The following XPNPEP3 variants were observed in gnomAD, a reference collection of about 807,000 sequenced individuals.
XPNPEP3 encodes xaa-Pro aminopeptidase 3.
Under a neutral mutation model 60.0 loss-of-function variants are expected in XPNPEP3, and 41 were observed. The ratio of observed to expected loss-of-function variants is 0.68; its 90% CI spans 0.53 to 0.89. The LOEUF (loss-of-function observed/expected upper bound fraction) is 0.89. Ranked by LOEUF, XPNPEP3 falls within the 40% of genes least tolerant of loss-of-function variation. The pLI, the probability that XPNPEP3 is intolerant of heterozygous loss-of-function variation, is 0.00. For missense variants in XPNPEP3, 598 were observed against 638.9 expected, an observed-to-expected ratio of 0.94 and a Z score of 0.69; for synonymous variants, 212 against 223.2, an observed-to-expected ratio of 0.95 and a Z score of 0.45.
intron 1 of XPNPEP3, chr22:40,862,429 A>G (rs970057074): frequency 6.1e-6 from 6 of 987,886 alleles, no homozygotes; most frequent in Admixed American, 6.1e-5. Context: ...CAGCTCTTCT[A>G]TGCTTTGGTT....
intron 1 of XPNPEP3, chr22:40,859,538 T>A (rs2057928521): frequency 6.6e-6 from 1 of 152,174 alleles, no homozygotes; most frequent in Admixed American, 6.5e-5. Context: ...TCACATCTTA[T>A]ATTAGAAGCA....
chr22:40,907,556 G>T (rs371068994), intron 4 of XPNPEP3, 31 bp from the exon 5 acceptor site: 1 of 1,596,690 alleles, frequency 6.3e-7, no homozygotes, highest in Non-Finnish European at 8.6e-7. Context: ...GAATGAGATC[G>T]TGTTCTTTTC....
intron 2 of XPNPEP3, among the ~76,000 whole-genome samples, chr22:40,872,473 G>A (rs2058010086): frequency 1.3e-5 from 2 of 150,658 alleles, no homozygotes; most frequent in Non-Finnish European, 3.0e-5. Context: ...TTTTTGAGAC[G>A]GAATTTCGCT....
At chr22:40,905,238 C>T (rs1206703990) in intron 4 of XPNPEP3, among the ~76,000 whole-genome samples, 2 of 151,832 alleles carry the variant, frequency 1.3e-5, no homozygotes, top group Non-Finnish European at 2.9e-5. Context: ...TACCACCACG[C>T]CCAGCTAATT....
chr22:40,895,486 C>G (rs1025327640), intron 4 of XPNPEP3, among the ~76,000 whole-genome samples: 4 of 151,842 alleles, frequency 2.6e-5, no homozygotes, highest in African/African-American at 9.7e-5. Context: ...AGACGCCCAC[C>G]AGCACGCCCG....
At chr22:40,912,473 C>T (rs2058180501) in intron 6 of XPNPEP3, among the ~76,000 whole-genome samples, 1 of 152,172 alleles carries the variant, frequency 6.6e-6, no homozygotes, top group African/African-American at 2.4e-5. Flanking sequence ...ACATTTTAAG[C>T]TACTTTTTAT....
rs2058161566 is a variant in XPNPEP3, at chr22:40,907,633, CCTTT to C, written c.844_847del (p.Leu282MetfsTer16). 6.2e-7 allele frequency: 1 copy of C among 1,613,960 alleles called. No individual in the cohort carries two copies. The highest frequency in any genetic ancestry group is 8.5e-7 in the Non-Finnish European group (1 of 1,179,924). On this transcript the variant is annotated frameshift_variant, in exon 5 of 10. Transcript: ENST00000357137. LOFTEE classifies it high-confidence loss of function. ...ACCAGTAAAGCCCCTGTGGAAGAAG[CCTTT>C]CTTTATGCTAAGGTGAGATTCAGAT...
chr22:40,889,769 C>T (rs1339649754), intron 4 of XPNPEP3, among the ~76,000 whole-genome samples: 1 of 152,180 alleles, frequency 6.6e-6, no homozygotes, highest in Non-Finnish European at 1.5e-5. Flanking sequence ...TTTAAGGTTA[C>T]AGTGAAGTAT....
intron 2 of XPNPEP3, among the ~76,000 whole-genome samples, chr22:40,869,341 T>A (rs2057994303): frequency 6.6e-6 from 1 of 152,198 alleles, no homozygotes; most frequent in Admixed American, 6.5e-5. Context: ...TACATGTGGG[T>A]ACTGGTGCTT....
chr22:40,883,423 A>G (rs1226153494), intron 3 of XPNPEP3, among the ~76,000 whole-genome samples: 1 of 151,814 alleles, frequency 6.6e-6, no homozygotes, highest in African/African-American at 2.4e-5. Flanking sequence ...ATAGTGGCAC[A>G]CTCATGGCTC....
chr22:40,860,722 A>G (rs2057938331), intron 1 of XPNPEP3: 2 of 904,100 alleles, frequency 2.2e-6, no homozygotes, highest in East Asian at 2.7e-5. Context: ...GCGTGATCCC[A>G]TTACACTGCA....
intron 4 of XPNPEP3, among the ~76,000 whole-genome samples, chr22:40,894,231 A>G (rs1025200515): frequency 4.6e-5 from 7 of 152,298 alleles, no homozygotes; most frequent in African/African-American, 1.7e-4. Flanking sequence ...CTTTACTCCA[A>G]GGGGTATCTG....
At chr22:40,912,616 C>T (rs926141441) in intron 6 of XPNPEP3, among the ~76,000 whole-genome samples, 1 of 152,124 alleles carries the variant, frequency 6.6e-6, no homozygotes, top group South Asian at 2.1e-4. Context: ...TGCCTGTAAT[C>T]CCAGCACTTT....
chr22:40,905,499 C>A (rs916036909), intron 4 of XPNPEP3, among the ~76,000 whole-genome samples: 10 of 152,178 alleles, frequency 6.6e-5, no homozygotes, highest in Non-Finnish European at 1.5e-4. Context: ...TCCATGCTCA[C>A]TCTTCACAGT....
chr22:40,903,620 G>T (rs1305140254), intron 4 of XPNPEP3, among the ~76,000 whole-genome samples: 6 of 151,766 alleles, frequency 4.0e-5, no homozygotes, highest in African/African-American at 1.5e-4. Flanking sequence ...CTCCCAAGTA[G>T]CTGGAATTAC....
intron 1 of XPNPEP3, among the ~76,000 whole-genome samples, chr22:40,858,266 C>T (rs1216086908): frequency 1.3e-5 from 2 of 152,018 alleles, no homozygotes; most frequent in Non-Finnish European, 2.9e-5. Context: ...GCCACCACGC[C>T]TGGCTAATTT....
chr22:40,905,318 G>C (rs2058150522), intron 4 of XPNPEP3, among the ~76,000 whole-genome samples: 1 of 151,814 alleles, frequency 6.6e-6, no homozygotes, highest in South Asian at 2.1e-4. Flanking sequence ...TCCACCTCGT[G>C]AACCACCGCC....
At chr22:40,884,107 T>G (rs2058058876) in intron 3 of XPNPEP3, among the ~76,000 whole-genome samples, 1 of 152,210 alleles carries the variant, frequency 6.6e-6, no homozygotes, top group South Asian at 2.1e-4. Context: ...TTCTTTTTAT[T>G]TATAGAAATG....
chr22:40,914,144 GAA>G (rs35631136), intron 6 of XPNPEP3, 93 bp from the exon 7 acceptor site: 6,972 of 814,162 alleles, frequency 8.6e-3, no homozygotes, highest in East Asian at 0.014. Context: ...CTCCGTCTCA[GAA>G]AAAAAAAAAA....
Sources: allele counts gnomAD v4.1 joint callset (sites outside exome capture counted in the v4.1 genomes callset), GRCh38; gene constraint gnomAD v4.1.1; transcripts MANE v1.5; gene names NCBI Gene and HGNC (gene_info 2026-07-23, HGNC 2026-07-21).